Variants in SLIT2 observed in about 807,000 individuals in gnomAD.
The protein encoded by SLIT2 is slit guidance ligand 2.
SLIT2 carries 41 observed loss-of-function variants against 185.7 expected under a neutral mutation model. The observed-to-expected ratio is 0.22, with a 90% CI of 0.17 to 0.29. SLIT2 has a LOEUF of 0.29. SLIT2 is among the 10% of genes least tolerant of loss of function. The probability of loss-of-function intolerance (pLI) is 1.00; values close to 1 mark genes in which losing one functional copy is unlikely to be tolerated. For synonymous variants in SLIT2, 693 were observed against 680.2 expected (o/e 1.02, Z -0.29); for missense variants, 1,571 against 1,909.0 (o/e 0.82, Z 3.30).
chr4:20,599,936 C>A (rs1209907652), intron 33 of SLIT2, among the ~76,000 whole-genome samples: 5 of 152,154 alleles, frequency 3.3e-5, no homozygotes, highest in Non-Finnish European at 7.4e-5. Flanking sequence ...CACTTGTAGC[C>A]ATGAATGGAA....
At position 20,529,034 on chromosome 4, in the gene SLIT2, A is replaced by G. The variant is rs754675170; in HGVS notation, c.1548A>G (p.Thr516=). 1 of 1,614,050 alleles carries G rather than the reference A, an allele frequency of 6.2e-7. No individual in the cohort carries two copies. The highest frequency in any genetic ancestry group is 8.5e-7 in the Non-Finnish European group (1 of 1,179,932). Residue 516 remains threonine (T), a synonymous_variant, in exon 16 of 37, where the codon ACA becomes ACG. Coordinates refer to ENST00000504154, the MANE Select transcript of SLIT2 (RefSeq NM_004787.4). Reference sequence around the variant, plus strand: ...AAAAGTGTCGCTGTGAAGGAACCACAGTAGATTGCTCTAATCAAAAGCTCA... The same window carrying G: ...AAAAGTGTCGCTGTGAAGGAACCACGGTAGATTGCTCTAATCAAAAGCTCA... ...CPEKCRCEGT[T]VDCSNQKLNK...
intron 4 of SLIT2, among the ~76,000 whole-genome samples, chr4:20,271,833 G>T (rs963204562): frequency 1.3e-5 from 2 of 151,924 alleles, no homozygotes; most frequent in African/African-American, 2.4e-5. Context: ...ATAAATAATC[G>T]CCCTTTGACT....
At chr4:20,417,179 C>T (rs2109449134) in intron 4 of SLIT2, among the ~76,000 whole-genome samples, 1 of 152,010 alleles carries the variant, frequency 6.6e-6, no homozygotes, top group Non-Finnish European at 1.5e-5. Context: ...AATTATATGT[C>T]AGGGCCTATT....
chr4:20,487,934 A>T (rs1460085606), intron 7 of SLIT2, among the ~76,000 whole-genome samples: 1 of 152,226 alleles, frequency 6.6e-6, no homozygotes, highest in Non-Finnish European at 1.5e-5. Flanking sequence ...ACATCAGCTT[A>T]AAAGGACTAA....
intron 4 of SLIT2, among the ~76,000 whole-genome samples, chr4:20,417,455 T>C (rs1026584462): frequency 1.6e-4 from 24 of 146,192 alleles, no homozygotes; most frequent in African/African-American, 5.5e-4. Flanking sequence ...TATATATATA[T>C]ATACGTATAT....
At chr4:20,601,631 C>T (rs1728419486) in intron 33 of SLIT2, among the ~76,000 whole-genome samples, 1 of 152,106 alleles carries the variant, frequency 6.6e-6, no homozygotes, top group Non-Finnish European at 1.5e-5. Flanking sequence ...TTTTCAAATG[C>T]CAGAAAATGC....
intron 29 of SLIT2, among the ~76,000 whole-genome samples, chr4:20,581,856 C>T (rs1367691307): frequency 6.6e-6 from 1 of 152,216 alleles, no homozygotes; most frequent in Non-Finnish European, 1.5e-5. Context: ...AAGCAATTCT[C>T]CTGTCTCAGC....
Position 20,376,189 on chromosome 4 carries a change from T to C in SLIT2, c.396-91563T>C, listed in dbSNP as rs115145384. Among the ~76,000 whole-genome samples, 996 of 148,982 alleles carry C rather than the reference T, an allele frequency of 6.7e-3. 22 individuals carry two copies. The highest frequency in any genetic ancestry group is 0.023 in the African/African-American group (940 of 40,492). ...TTCTTACAAGACACCTGGATTCTTC[T>C]CTCTGCTTTTACTGTATTCATACTG... On this transcript the variant is annotated intron_variant, in intron 4 of 36. Transcript: ENST00000504154.
At chr4:20,366,832 CTA>C (rs532482495) in intron 4 of SLIT2, among the ~76,000 whole-genome samples, 179 of 152,186 alleles carry the variant, frequency 1.2e-3, no homozygotes, top group African/African-American at 4.1e-3. Context: ...GGGTCTCACT[CTA>C]TCACCCAGGC....
intron 4 of SLIT2, among the ~76,000 whole-genome samples, chr4:20,283,265 T>C (rs1403114521): frequency 1.3e-5 from 2 of 152,208 alleles, no homozygotes; most frequent in Non-Finnish European, 2.9e-5. Flanking sequence ...GTGCACAGCA[T>C]TCTTTAGCAA....
intron 18 of SLIT2, among the ~76,000 whole-genome samples, chr4:20,534,738 T>G (rs1722117576): frequency 6.6e-6 from 1 of 152,128 alleles, no homozygotes; most frequent in Non-Finnish European, 1.5e-5. Context: ...GGCTGAAGGC[T>G]GAGTCCATTG....
intron 30 of SLIT2, among the ~76,000 whole-genome samples, chr4:20,595,118 C>G (rs1727869301): frequency 6.6e-6 from 1 of 152,140 alleles, no homozygotes; most frequent in African/African-American, 2.4e-5. Context: ...CTATCCTAAC[C>G]CATTATGTCA....
At chr4:20,412,421 A>G (rs1311656777) in intron 4 of SLIT2, among the ~76,000 whole-genome samples, 1 of 152,146 alleles carries the variant, frequency 6.6e-6, no homozygotes, top group Non-Finnish European at 1.5e-5. Context: ...TCCAACAACA[A>G]TTTACTGCAT....
chr4:20,458,177 C>G (rs1211069376), intron 4 of SLIT2, among the ~76,000 whole-genome samples: 1 of 151,526 alleles, frequency 6.6e-6, no homozygotes, highest in Non-Finnish European at 1.5e-5. Flanking sequence ...TACTTAACAC[C>G]AGTGAACTGT....
intron 4 of SLIT2, among the ~76,000 whole-genome samples, chr4:20,337,674 A>T (rs1007384852): frequency 4.6e-5 from 7 of 152,204 alleles, no homozygotes; most frequent in African/African-American, 1.7e-4. Flanking sequence ...ACTAAAAGGC[A>T]ATACTGACAC....
At chr4:20,557,166 C>G (rs986846248) in intron 26 of SLIT2, among the ~76,000 whole-genome samples, 1 of 152,064 alleles carries the variant, frequency 6.6e-6, no homozygotes, top group Non-Finnish European at 1.5e-5. Flanking sequence ...GAAGCTACAG[C>G]AAGTTACCCA....
At chr4:20,415,712 G>A (rs921298415) in intron 4 of SLIT2, among the ~76,000 whole-genome samples, 11 of 152,062 alleles carry the variant, frequency 7.2e-5, no homozygotes, top group African/African-American at 1.9e-4. Flanking sequence ...TTGGCTGAGA[G>A]CAGGGTCAGT....
At chr4:20,409,194 C>T (rs1727008300) in intron 4 of SLIT2, among the ~76,000 whole-genome samples, 3 of 152,124 alleles carry the variant, frequency 2.0e-5, no homozygotes, top group African/African-American at 7.2e-5. Context: ...TATCCATTAG[C>T]TAGTCTTCCT....
At chr4:20,490,936 T>G in intron 8 of SLIT2, 7 of 701,324 alleles carry the variant, frequency 1.0e-5, no homozygotes, top group South Asian at 1.7e-5. Flanking sequence ...CTAGGGCCCT[T>G]TCCTGGCAGG....
Sources: allele counts gnomAD v4.1 joint callset (sites outside exome capture counted in the v4.1 genomes callset), GRCh38; gene constraint gnomAD v4.1.1; transcripts MANE v1.5; gene names NCBI Gene and HGNC (gene_info 2026-07-23, HGNC 2026-07-21).